The following CTNNA3 variants were observed in gnomAD, a reference collection of about 807,000 sequenced individuals.
CTNNA3 encodes catenin alpha-3.
In CTNNA3, 76 loss-of-function variants were observed where a neutral mutation model predicts 95.7. That is an observed-to-expected ratio of 0.79 (90% CI 0.66 to 0.96). CTNNA3 has a LOEUF of 0.96. CTNNA3 is among the 40% of genes least tolerant of loss of function. The pLI is 0.00. For missense variants in CTNNA3, 1,191 were observed against 1,089.8 expected (o/e 1.09, Z -1.31); for synonymous variants, 431 against 374.4 (o/e 1.15, Z -1.74).
intron 5 of CTNNA3, among the ~76,000 whole-genome samples, chr10:67,286,511 T>G (rs999188249): frequency 2.6e-5 from 4 of 152,244 alleles, no homozygotes; most frequent in African/African-American, 9.6e-5. Context: ...ATATAGCTCA[T>G]GTAAAGCACT....
chr10:66,090,847 C>T (rs2081186511), intron 14 of CTNNA3, among the ~76,000 whole-genome samples: 2 of 151,924 alleles, frequency 1.3e-5, no homozygotes, highest in East Asian at 1.9e-4. Context: ...ATTAGAAATA[C>T]ATGTTCACAT....
At chr10:67,207,774 A>T (rs936284974) in intron 6 of CTNNA3, among the ~76,000 whole-genome samples, 10 of 152,194 alleles carry the variant, frequency 6.6e-5, no homozygotes, top group Non-Finnish European at 1.0e-4. Flanking sequence ...AATATACAGC[A>T]GCTAATAATA....
chr10:67,625,081 A>G (rs1564791321), intron 2 of CTNNA3, among the ~76,000 whole-genome samples: 2 of 152,168 alleles, frequency 1.3e-5, no homozygotes, highest in Non-Finnish European at 2.9e-5. Flanking sequence ...TTTTTGGGCC[A>G]CGTCTGGTGG....
intron 9 of CTNNA3, among the ~76,000 whole-genome samples, chr10:66,655,028 C>T (rs1211671217): frequency 1.3e-5 from 2 of 151,964 alleles, no homozygotes; most frequent in African/African-American, 4.8e-5. Flanking sequence ...TATTGTACAA[C>T]CCGGTGAGTG....
intron 12 of CTNNA3, among the ~76,000 whole-genome samples, chr10:66,335,510 G>T (rs868249492): frequency 1.3e-5 from 2 of 152,076 alleles, no homozygotes. Context: ...GACCCTCTTT[G>T]CCTGGGTATC....
At chr10:67,732,223 C>T (rs1216376074) in intron 1 of CTNNA3, among the ~76,000 whole-genome samples, 4 of 151,908 alleles carry the variant, frequency 2.6e-5, no homozygotes, top group Non-Finnish European at 5.9e-5. Context: ...GAGGTCGGGC[C>T]TTTTAGTGTG....
intron 5 of CTNNA3, among the ~76,000 whole-genome samples, chr10:67,315,638 T>C (rs1476494002): frequency 6.6e-6 from 1 of 152,056 alleles, no homozygotes; most frequent in African/African-American, 2.4e-5. Context: ...GAAATAATAG[T>C]AATAGGGCTG....
intron 9 of CTNNA3, among the ~76,000 whole-genome samples, chr10:66,684,445 G>T (rs574922454): frequency 6.6e-6 from 1 of 152,218 alleles, no homozygotes; most frequent in South Asian, 2.1e-4. Flanking sequence ...TAATATTACT[G>T]TTATTGCTTA....
intron 7 of CTNNA3, among the ~76,000 whole-genome samples, chr10:66,825,283 A>T (rs7898738): frequency 0.3 from 41,076 of 137,164 alleles, 6,860 homozygotes; most frequent in African/African-American, 0.48. Context: ...ATATATATAT[A>T]TTTTTTTTTT....
chr10:66,598,565 C>A (rs1405572366), intron 10 of CTNNA3, among the ~76,000 whole-genome samples: 1 of 151,868 alleles, frequency 6.6e-6, no homozygotes, highest in Non-Finnish European at 1.5e-5. Context: ...AGTAAAGTTG[C>A]AGGATTCAGA....
chr10:66,229,913 TTC>T (rs1226342506), intron 13 of CTNNA3, among the ~76,000 whole-genome samples: 1 of 152,098 alleles, frequency 6.6e-6, no homozygotes, highest in African/African-American at 2.4e-5. Flanking sequence ...TTCTTTTTCA[TTC>T]TGTTTTTCTT....
intron 11 of CTNNA3, among the ~76,000 whole-genome samples, chr10:66,433,077 T>C (rs1335954391): frequency 6.6e-6 from 1 of 152,190 alleles, no homozygotes; most frequent in Non-Finnish European, 1.5e-5. Context: ...GTTCCAAGTC[T>C]TTGCTATTGT....
At chr10:66,236,051 C>T (rs1381246831) in intron 13 of CTNNA3, among the ~76,000 whole-genome samples, 1 of 152,132 alleles carries the variant, frequency 6.6e-6, no homozygotes, top group African/African-American at 2.4e-5. Context: ...AGTCTCTCCC[C>T]TTGGGTTGTT....
chr10:66,046,338 C>T (rs973112116), intron 15 of CTNNA3, among the ~76,000 whole-genome samples: 3 of 152,144 alleles, frequency 2.0e-5, no homozygotes, highest in African/African-American at 4.8e-5. Context: ...AGCAGCTGCT[C>T]AGCCATATGT....
intron 9 of CTNNA3, among the ~76,000 whole-genome samples, chr10:66,690,475 G>A (rs10997308): frequency 0.19 from 23,670 of 121,946 alleles, 2,459 homozygotes; most frequent in East Asian, 0.35. Context: ...TCCCTCCCCC[G>A]TCCCCCCACC....
At chr10:66,205,350 A>G (rs7898088) in intron 13 of CTNNA3, among the ~76,000 whole-genome samples, 125,423 of 151,860 alleles carry the variant, frequency 0.83, 51,928 homozygotes, top group South Asian at 0.92. Flanking sequence ...CACTAAAGTC[A>G]CAGTTTCCAA....
intron 9 of CTNNA3, among the ~76,000 whole-genome samples, chr10:66,689,528 A>G (rs1002649643): frequency 6.6e-6 from 1 of 152,194 alleles, no homozygotes; most frequent in Non-Finnish European, 1.5e-5. Flanking sequence ...ATTAACATGA[A>G]CAAAAGAAAA....
At chr10:66,016,388 T>G (rs1419752941) in intron 15 of CTNNA3, among the ~76,000 whole-genome samples, 1 of 144,924 alleles carries the variant, frequency 6.9e-6, no homozygotes, top group South Asian at 2.1e-4. Context: ...AGAAAGACGA[T>G]TCTTCCCTGG....
At chr10:67,181,445 T>C (rs753861123) in intron 6 of CTNNA3, among the ~76,000 whole-genome samples, 59 of 152,076 alleles carry the variant, frequency 3.9e-4, no homozygotes, top group Non-Finnish European at 1.5e-4. Flanking sequence ...AATGTGAGAA[T>C]TGAAGAAAGA....
Sources: allele counts gnomAD v4.1 joint callset (sites outside exome capture counted in the v4.1 genomes callset), GRCh38; gene constraint gnomAD v4.1.1; transcripts MANE v1.5; gene names NCBI Gene and HGNC (gene_info 2026-07-23, HGNC 2026-07-21).